Variants in SLC25A4 observed in about 807,000 individuals in gnomAD.
SLC25A4 encodes the protein ADP/ATP translocase 1.
In SLC25A4, 10 loss-of-function variants were observed where a neutral mutation model predicts 24.7. The observed-to-expected ratio is 0.41, with a 90% CI of 0.25 to 0.69. The LOEUF (loss-of-function observed/expected upper bound fraction) is 0.69. SLC25A4 is among the 30% of genes least tolerant of loss of function. The pLI is 0.35. For missense variants in SLC25A4, 273 were observed against 387.6 expected (o/e 0.70, Z 2.48); for synonymous variants, 125 against 153.3 (o/e 0.82, Z 1.36).
chr4:185,145,680 A>G lies in SLC25A4; in HGVS notation c.599-79A>G, dbSNP rs2111286463. On this transcript the variant is annotated intron_variant, in intron 2 of 3. Coordinates refer to ENST00000281456, the MANE Select transcript of SLC25A4 (RefSeq NM_001151.4). The surrounding 1 kb of genome is among the most constrained non-coding windows in gnomAD (Gnocchi z 5.5). ...GGTCAGAGCATGGAGCTGGAGGTGCAGTGGCCTCTCTCCCTCCACCTGCTT... is the reference window on the plus strand; with the variant it reads ...GGTCAGAGCATGGAGCTGGAGGTGCGGTGGCCTCTCTCCCTCCACCTGCTT... 6.4e-7 allele frequency: 1 copy of G among 1,557,778 alleles called. No homozygotes were observed. The highest frequency in any genetic ancestry group is 2.2e-5 in the East Asian group (1 of 44,450).
rs1275611327 is a variant in SLC25A4 at position 185,147,627 on chromosome 4, T to C, written c.*656T>C. 2.0e-5 allele frequency: 3 copies of C among 152,636 alleles called. No individual in the cohort carries two copies. Among genetic ancestry groups the C allele is most frequent in the African/African-American group, 7.2e-5 (3 of 41,428 alleles). The allele number at this position is 152,636 out of a possible 1,614,324, so 9.5% of individuals were successfully genotyped here. A position where few individuals can be genotyped will look rare whatever the true frequency, so the allele number is the denominator to read the frequency against. ...TTTTCTATGATTAGGAAGTGCTCTG[T>C]TTTCATCCCTTTAGATAACTGTGAC... On this transcript the variant is annotated 3_prime_UTR_variant, in exon 4 of 4. Coordinates refer to ENST00000281456, the MANE Select transcript of SLC25A4 (RefSeq NM_001151.4).
chr4:185,148,703 A>G lies in SLC25A4; in HGVS notation c.*1732A>G, dbSNP rs1734487816. On this transcript the variant is annotated 3_prime_UTR_variant, in exon 4 of 4. Coordinates refer to ENST00000281456, the MANE Select transcript of SLC25A4 (RefSeq NM_001151.4). ...TTGCGAGCCAGAGGAAAATACTTAG[A>G]CTATCAGGTTGGAAAGTTCACACTT... 6.6e-6 allele frequency: 1 copy of G among 152,054 alleles called. No homozygotes were observed. Among genetic ancestry groups the G allele is most frequent in the Admixed American group, 6.5e-5 (1 of 15,270 alleles). The allele number at this position is 152,054 out of a possible 1,614,324, so 9.4% of individuals were successfully genotyped here. A position where few individuals can be genotyped will look rare whatever the true frequency, so the allele number is the denominator to read the frequency against.
Position 185,145,212 on chromosome 4 carries a change from A to G in SLC25A4, c.560A>G (p.Tyr187Cys). ...GTCTCTGTCCAAGGCATCATTATCTATAGAGCTGCCTACTTCGGAGTCTAT... is the reference window on the plus strand; with the variant it reads ...GTCTCTGTCCAAGGCATCATTATCTGTAGAGCTGCCTACTTCGGAGTCTAT... ...FNVSVQGIII[Y>C]RAAYFGVYDT... Residue 187 changes from tyrosine to cysteine, a missense_variant, in exon 2 of 4, where the codon TAT becomes TGT. Coordinates refer to ENST00000281456, the MANE Select transcript of SLC25A4 (RefSeq NM_001151.4). This position sits in a 1 kb window ranked among gnomAD's most constrained non-coding sequence, Gnocchi z 5.5. 6.2e-7 allele frequency: 1 copy of G among 1,614,110 alleles called. No homozygotes were observed. The highest frequency in any genetic ancestry group is 8.5e-7 in the Non-Finnish European group (1 of 1,180,006).
At chr4:185,146,494 TA>T (rs1288935558) in intron 3 of SLC25A4, among the ~76,000 whole-genome samples, 1 of 152,316 alleles carries the variant, frequency 6.6e-6, no homozygotes, top group East Asian at 1.9e-4. Context: ...CGGTCCTCCA[TA>T]AAAAAAGGTA....
chr4:185,145,488 C>T lies in SLC25A4; in HGVS notation c.598+238C>T. 2.9e-6 allele frequency: 2 copies of T among 685,500 alleles called. No individual in the cohort carries two copies. Among genetic ancestry groups the T allele is most frequent in the Non-Finnish European group, 4.8e-6 (2 of 413,730 alleles). 42.5% of individuals were successfully genotyped at this position (685,500 alleles called of 1,614,324 possible). A position where few individuals can be genotyped will look rare whatever the true frequency, so the allele number is the denominator to read the frequency against. ...GAGAGGAGGAGGGGGGAGCCTGTCT[C>T]CCTCTAGACACAGCCATAGCAGTTA... On this transcript the variant is annotated intron_variant, in intron 2 of 3. Transcript: ENST00000281456. This position sits in a 1 kb window ranked among gnomAD's most constrained non-coding sequence, Gnocchi z 5.5.
At chr4:185,144,662 T>TC in intron 1 of SLC25A4, 102 bp from the exon 2 acceptor site, 2 of 1,087,958 alleles carry the variant, frequency 1.8e-6, no homozygotes, top group Non-Finnish European at 2.7e-6. Context: ...CTTTTTTTCT[T>TC]CAAAAAAAAA....
rs527964509 is a variant in SLC25A4, at chr4:185,146,025, G to T, written c.739+126G>T. The T allele has an allele frequency of 2.4e-4, 277 of 1,151,530 alleles. 2 individuals carry two copies. In the East Asian group the frequency reaches 6.6e-3, roughly 27 times the overall value. 71.3% of individuals were successfully genotyped at this position (1,151,530 alleles called of 1,614,324 possible). A position where few individuals can be genotyped will look rare whatever the true frequency, so the allele number is the denominator to read the frequency against. ...AATTATTTGATAAGGACTTAGGGAA[G>T]AAAGATGGTATTAATTCCCCCTAAC... On this transcript the variant is annotated intron_variant, in intron 3 of 3. Coordinates refer to ENST00000281456, the MANE Select transcript of SLC25A4 (RefSeq NM_001151.4).
rs1342561412 is a variant in SLC25A4 at position 185,143,298 on chromosome 4, C to A, written c.-75C>A. 2 of 845,554 alleles carry A rather than the reference C, an allele frequency of 2.4e-6. No individual in the cohort carries two copies. The highest frequency in any genetic ancestry group is 3.8e-6 in the Non-Finnish European group (2 of 530,612). 52.4% of individuals were successfully genotyped at this position (845,554 alleles called of 1,614,324 possible). Reference sequence around the variant, plus strand: ...TAGCGTCGCGCAGGGTCGGGGACTGCGCGGCGGTGCCAGGCCGGGCGTGGG... The same window carrying A: ...TAGCGTCGCGCAGGGTCGGGGACTGAGCGGCGGTGCCAGGCCGGGCGTGGG... On this transcript the variant is annotated 5_prime_UTR_variant, in exon 1 of 4. Coordinates refer to ENST00000281456, the MANE Select transcript of SLC25A4 (RefSeq NM_001151.4).
chr4:185,143,683 A>T (rs897181507), intron 1 of SLC25A4, among the ~76,000 whole-genome samples, 200 bp downstream of exon 1: 1 of 145,716 alleles, frequency 6.9e-6, no homozygotes, highest in African/African-American at 2.6e-5. Flanking sequence ...TCAGTCGCAG[A>T]TTCCTGGTGT....
At position 185,143,377 on chromosome 4, in the gene SLC25A4, G is replaced by A. The variant is rs1360761267; in HGVS notation, c.5G>A (p.Gly2Asp). 2.0e-6 allele frequency: 3 copies of A among 1,527,124 alleles called. No homozygotes were observed. Among genetic ancestry groups the A allele is most frequent in the East Asian group, 2.5e-5 (1 of 39,344 alleles). The allele number at this position is 1,527,124 out of a possible 1,614,324, so 94.6% of individuals were successfully genotyped here. Residue 2 changes from glycine (G) to aspartate (D), a missense_variant, in exon 1 of 4, where the codon GGT becomes GAT. By Grantham distance (94) the Gly-to-Asp change is moderately conservative (BLOSUM62 -1). Transcript: ENST00000281456. M[G>D]DHAWSFLKDF... ...TGAGAGCGTCGAGCTGTCACCATGG[G>A]TGATCACGCTTGGAGCTTCCTAAAG...
At chr4:185,143,509 G>T in intron 1 of SLC25A4, 26 bp downstream of exon 1, 6 of 1,092,834 alleles carry the variant, frequency 5.5e-6, no homozygotes, top group Non-Finnish European at 7.0e-6. Context: ...TGCAAGAGGC[G>T]GGCGCGGGCG....
At chr4:185,143,537 CGCGCGATGCG>C in intron 1 of SLC25A4, 54 bp downstream of exon 1, 1 of 741,402 alleles carries the variant, frequency 1.3e-6, no homozygotes, top group Non-Finnish European at 1.7e-6. Context: ...CCGGGCGGGG[CGCGCGATGCG>C]GCGCGAGCTG....
At position 185,144,845 on chromosome 4, in the gene SLC25A4, C is replaced by T. The variant is rs1734409016; in HGVS notation, c.193C>T (p.Gln65Ter). 1.2e-6 allele frequency: 2 copies of T among 1,613,912 alleles called. No individual in the cohort carries two copies. Among genetic ancestry groups the T allele is most frequent in the South Asian group, 1.1e-5 (1 of 91,078 alleles). The change falls in exon 2 of 4, where the codon CAG becomes TAG. Residue 65 changes from glutamine (Q) to a stop codon, truncating the protein, a stop_gained. Coordinates refer to ENST00000281456, the MANE Select transcript of SLC25A4 (RefSeq NM_001151.4). LOFTEE classifies it high-confidence loss of function. ...IDCVVRIPKE[Q>*]GFLSFWRGNL... ...TTGTGTGGTGAGAATCCCTAAGGAG[C>T]AGGGCTTCCTCTCCTTCTGGAGGGG...
chr4:185,145,135 C>T lies in SLC25A4; in HGVS notation c.483C>T (p.Ile161=). 1.9e-6 allele frequency: 3 copies of T among 1,612,880 alleles called. No individual in the cohort carries two copies. Among genetic ancestry groups the T allele is most frequent in the Non-Finnish European group, 1.7e-6 (2 of 1,179,116 alleles). ...QREFHGLGDC[I]IKIFKSDGLR... Reference sequence around the variant, plus strand: ...AGTTCCATGGTCTGGGCGACTGTATCATCAAGATCTTCAAGTCTGATGGCC... The same window carrying T: ...AGTTCCATGGTCTGGGCGACTGTATTATCAAGATCTTCAAGTCTGATGGCC... Residue 161 remains isoleucine, a synonymous_variant, in exon 2 of 4, where the codon ATC becomes ATT. Coordinates refer to ENST00000281456, the MANE Select transcript of SLC25A4 (RefSeq NM_001151.4). This position sits in a 1 kb window ranked among gnomAD's most constrained non-coding sequence, Gnocchi z 5.5.
At position 185,144,886 on chromosome 4, in the gene SLC25A4, G is replaced by C. The variant is rs1185164487; in HGVS notation, c.234G>C (p.Val78=). ...TCTGGAGGGGTAACCTGGCCAACGTGATCCGTTACTTCCCCACCCAAGCTC... is the reference window on the plus strand; with the variant it reads ...TCTGGAGGGGTAACCTGGCCAACGTCATCCGTTACTTCCCCACCCAAGCTC... ...LSFWRGNLAN[V]IRYFPTQALN... The change falls in exon 2 of 4, where the codon GTG becomes GTC. Residue 78 remains valine, a synonymous_variant. Coordinates refer to ENST00000281456, the MANE Select transcript of SLC25A4 (RefSeq NM_001151.4). The C allele has an allele frequency of 1.2e-6, 2 of 1,614,154 alleles. No homozygotes were observed. Among genetic ancestry groups the C allele is most frequent in the South Asian group, 2.2e-5 (2 of 91,086 alleles).
At position 185,144,497 on chromosome 4, in the gene SLC25A4, T is replaced by C. The variant is rs58125808; in HGVS notation, c.112-267T>C. Among the ~76,000 whole-genome samples, 8,271 of 152,246 alleles carry C rather than the reference T, an allele frequency of 0.054. 262 individuals are homozygous for C. Among genetic ancestry groups the C allele is most frequent in the Middle Eastern group, 0.12 (34 of 294 alleles). The stretch of plus-strand genomic sequence containing the variant: ...ATAAATGGCTATAGCTTTATATAAT[T>C]CAATCACCTTTTCAGTTTATTTGGG... On this transcript the variant is annotated intron_variant, in intron 1 of 3. Coordinates refer to ENST00000281456, the MANE Select transcript of SLC25A4 (RefSeq NM_001151.4).
chr4:185,148,604 A>G lies in SLC25A4; in HGVS notation c.*1633A>G, dbSNP rs1434235596. ...CAGATTTAGAAACATGGGTATAGAA[A>G]GCATCCTCCAGTACTTCTGTAACAA... On this transcript the variant is annotated 3_prime_UTR_variant, in exon 4 of 4. Transcript: ENST00000281456. The G allele has an allele frequency of 6.6e-6, 1 of 152,182 alleles. No individual in the cohort carries two copies. Among genetic ancestry groups the G allele is most frequent in the Non-Finnish European group, 1.5e-5 (1 of 68,028 alleles). The allele number at this position is 152,182 out of a possible 1,614,324, so 9.4% of individuals were successfully genotyped here.
chr4:185,144,736 C>T (rs749339895), intron 1 of SLC25A4, 28 bp from the exon 2 acceptor site: 1 of 1,612,324 alleles, frequency 6.2e-7, no homozygotes, highest in South Asian at 1.1e-5. Flanking sequence ...CCTGCCTGTC[C>T]TCTGTCACCC....
In SLC25A4 at chr4:185,145,206, T is replaced by C; in HGVS notation, c.554T>C (p.Ile185Thr). The change falls in exon 2 of 4, where the codon ATT becomes ACT. Residue 185 changes from isoleucine (I) to threonine (T), a missense_variant. Coordinates refer to ENST00000281456, the MANE Select transcript of SLC25A4 (RefSeq NM_001151.4). The surrounding 1 kb of genome is among the most constrained non-coding windows in gnomAD (Gnocchi z 5.5). ...TTCAACGTCTCTGTCCAAGGCATCA[T>C]TATCTATAGAGCTGCCTACTTCGGA... ...QGFNVSVQGI[I>T]IYRAAYFGVY... is the part of the protein sequence containing the mutation. 1.2e-6 allele frequency: 2 copies of C among 1,614,066 alleles called. No individual in the cohort carries two copies. The highest frequency in any genetic ancestry group is 1.7e-6 in the Non-Finnish European group (2 of 1,180,010).
Sources: gnomAD v4.1 joint callset for allele counts (sites outside exome capture counted in the v4.1 genomes callset) on GRCh38, gnomAD v4.1.1 for gene constraint, Gnocchi (gnomAD v3.1) non-coding constraint, MANE v1.5 for transcripts, NCBI Gene and HGNC (gene_info 2026-07-23, HGNC 2026-07-21) for gene names.